The following RNF13 variants were observed in gnomAD, a reference collection of about 807,000 sequenced individuals.
RNF13 encodes E3 ubiquitin-protein ligase RNF13.
Under a neutral mutation model 37.7 loss-of-function variants are expected in RNF13, and 19 were observed. The ratio of observed to expected loss-of-function variants is 0.50; its 90% confidence interval spans 0.35 to 0.74. RNF13 has a LOEUF of 0.74. RNF13 is among the 30% of genes least tolerant of loss of function. The pLI is 0.01. For synonymous variants in RNF13, 144 were observed against 157.8 expected (o/e 0.91, Z 0.65); for missense variants, 375 against 453.0 (o/e 0.83, Z 1.56).
intron 3 of RNF13, among the ~76,000 whole-genome samples, chr3:149,860,535 A>C (rs1261292677): frequency 6.6e-6 from 1 of 151,966 alleles, no homozygotes; most frequent in African/African-American, 2.4e-5. Flanking sequence ...CAGTCTCTTC[A>C]ATAAAGAATG....
chr3:149,874,110 G>A (rs760327743), intron 4 of RNF13, among the ~76,000 whole-genome samples: 5 of 152,164 alleles, frequency 3.3e-5, no homozygotes, highest in Non-Finnish European at 7.4e-5. Flanking sequence ...TGTAGGCACA[G>A]TTTTTATGAA....
At chr3:149,876,668 T>C (rs775803580) in intron 4 of RNF13, among the ~76,000 whole-genome samples, 1 of 151,946 alleles carries the variant, frequency 6.6e-6, no homozygotes, top group Non-Finnish European at 1.5e-5. Context: ...ATGTCCTCCT[T>C]CTACTTGTCT....
intron 8 of RNF13, among the ~76,000 whole-genome samples, chr3:149,930,975 A>C (rs1331402556): frequency 6.6e-6 from 1 of 151,878 alleles, no homozygotes; most frequent in Non-Finnish European, 1.5e-5. Flanking sequence ...ACCTAGCTAG[A>C]TATCGATTTC....
At chr3:149,818,048 C>T (rs1279560819) in intron 1 of RNF13, among the ~76,000 whole-genome samples, 4 of 152,138 alleles carry the variant, frequency 2.6e-5, no homozygotes, top group Admixed American at 6.5e-5. Context: ...TTTTCAGTTT[C>T]CTGTCAAGTT....
chr3:149,854,300 G>A (rs1310628425), intron 3 of RNF13, among the ~76,000 whole-genome samples: 2 of 151,872 alleles, frequency 1.3e-5, no homozygotes, highest in Non-Finnish European at 2.9e-5. Context: ...TAAGAAAAAG[G>A]AAACACCTTC....
At chr3:149,896,479 CT>C (rs1027017456) in intron 5 of RNF13, among the ~76,000 whole-genome samples, 18 of 150,842 alleles carry the variant, frequency 1.2e-4, no homozygotes, top group Non-Finnish European at 1.5e-5. Context: ...TGCCCTTCTT[CT>C]TTATTTTTTT....
At position 149,943,240 on chromosome 3, in the gene RNF13, CTT is replaced by C. The variant is rs747978653; in HGVS notation, c.701-16814_701-16813del. Among the ~76,000 whole-genome samples the C allele has an allele frequency of 2.8e-5, 4 of 141,600 alleles. No individual in the cohort carries two copies. In the East Asian group the frequency reaches 6.2e-4, roughly 22 times the overall value. The allele number at this position is 141,600 out of a possible 152,430, so 92.9% of individuals were successfully genotyped here. ...CAGTTCTTTTTTTTTTTTTTTAAGA[CTT>C]TATTTTTTAGAGCAGTTTTAGGTTC... On this transcript the variant is annotated intron_variant, in intron 8 of 9. Transcript: ENST00000392894.
At chr3:149,891,255 T>C (rs978333078) in intron 4 of RNF13, among the ~76,000 whole-genome samples, 7 of 152,210 alleles carry the variant, frequency 4.6e-5, no homozygotes, top group Admixed American at 6.5e-5. Flanking sequence ...TATTGAATAT[T>C]AGAGATAACA....
At chr3:149,948,054 A>C (rs1720948528) in intron 8 of RNF13, among the ~76,000 whole-genome samples, 1 of 152,024 alleles carries the variant, frequency 6.6e-6, no homozygotes, top group African/African-American at 2.4e-5. Context: ...GGTTCAAGCA[A>C]TTCTCCTGCC....
chr3:149,857,612 G>A (rs1471727970), intron 3 of RNF13, among the ~76,000 whole-genome samples: 1 of 152,116 alleles, frequency 6.6e-6, no homozygotes, highest in Non-Finnish European at 1.5e-5. Context: ...CTATACAACT[G>A]TTCTTTTTGG....
At chr3:149,853,461 A>AGG (rs1723323766) in intron 3 of RNF13, among the ~76,000 whole-genome samples, 1 of 86,664 alleles carries the variant, frequency 1.2e-5, no homozygotes, top group African/African-American at 4.5e-5. Context: ...AGAGGGAGAG[A>AGG]GAGAGAGAGA....
intron 1 of RNF13, among the ~76,000 whole-genome samples, chr3:149,820,565 T>G (rs1040653868): frequency 6.6e-6 from 1 of 152,254 alleles, no homozygotes; most frequent in African/African-American, 2.4e-5. Context: ...TCATTTACTC[T>G]TTTGACCCTC....
chr3:149,878,178 C>T (rs1057078930), intron 4 of RNF13, among the ~76,000 whole-genome samples: 3 of 152,052 alleles, frequency 2.0e-5, no homozygotes, highest in Non-Finnish European at 1.5e-5. Context: ...TCACAGACAT[C>T]AGAATGCTAG....
At chr3:149,856,565 TC>T (rs1723672010) in intron 3 of RNF13, among the ~76,000 whole-genome samples, 1 of 150,402 alleles carries the variant, frequency 6.6e-6, no homozygotes, top group Non-Finnish European at 1.5e-5. Flanking sequence ...CACCTCAGGC[TC>T]CTGTGTAGCT....
At chr3:149,899,404 G>A (rs761766176) in intron 5 of RNF13, among the ~76,000 whole-genome samples, 5 of 152,150 alleles carry the variant, frequency 3.3e-5, no homozygotes, top group East Asian at 1.9e-4. Flanking sequence ...AGCCGAGATC[G>A]TGCCACTGCA....
intron 8 of RNF13, among the ~76,000 whole-genome samples, chr3:149,952,239 A>G (rs1051647475): frequency 6.6e-6 from 1 of 152,038 alleles, no homozygotes; most frequent in Non-Finnish European, 1.5e-5. Flanking sequence ...TTACTATTTT[A>G]TTATTGATTT....
intron 8 of RNF13, among the ~76,000 whole-genome samples, chr3:149,958,347 T>G (rs1430529265): frequency 6.6e-6 from 1 of 152,168 alleles, no homozygotes; most frequent in East Asian, 1.9e-4. Flanking sequence ...CTCAATTCCT[T>G]GACTTGTGAC....
chr3:149,869,343 C>T (rs1711722971), intron 3 of RNF13, among the ~76,000 whole-genome samples: 3 of 151,864 alleles, frequency 2.0e-5, no homozygotes, highest in East Asian at 1.9e-4. Flanking sequence ...CGGTGGCTCA[C>T]GCCTGTAATC....
intron 7 of RNF13, among the ~76,000 whole-genome samples, chr3:149,919,133 A>C (rs551046797): frequency 1.3e-4 from 20 of 152,278 alleles, no homozygotes; most frequent in African/African-American, 4.1e-4. Context: ...GTTACCATTA[A>C]ACTTTAAAAA....
Sources: gnomAD v4.1 joint callset for allele counts (sites outside exome capture counted in the v4.1 genomes callset) on GRCh38, gnomAD v4.1.1 for gene constraint, MANE v1.5 for transcripts, NCBI Gene and HGNC (gene_info 2026-07-23, HGNC 2026-07-21) for gene names.